The following C16orf46 variants were observed in gnomAD, a reference collection of about 807,000 sequenced individuals.
C16orf46 encodes the protein uncharacterized protein C16orf46.
In C16orf46, 7 loss-of-function variants were observed where a neutral mutation model predicts 5.5. The observed-to-expected ratio is 1.28, with a 90% CI of 0.73 to 2.40. The LOEUF (loss-of-function observed/expected upper bound fraction) is 2.40, where lower values mean the gene tolerates loss of function less well. Among genes scored for constraint, C16orf46 ranks in the 30% most tolerant of loss-of-function variants. The pLI, the probability that C16orf46 is intolerant of heterozygous loss-of-function variation, is 0.00. For synonymous variants in C16orf46, 200 were observed against 184.1 expected (o/e 1.09, Z -0.70); for missense variants, 614 against 476.0 (o/e 1.29, Z -2.70).
chr16:81,068,198 C>A (rs1971713230), intron 1 of C16orf46, among the ~76,000 whole-genome samples: 1 of 152,176 alleles, frequency 6.6e-6, no homozygotes, highest in Non-Finnish European at 1.5e-5. Flanking sequence ...AGCTTTAACA[C>A]CCTAACCAAT....
At chr16:81,072,361 A>C (rs1971885787) in intron 1 of C16orf46, 1 of 151,804 alleles carries the variant, frequency 6.6e-6, no homozygotes, top group African/African-American at 2.4e-5. Context: ...AAAAAAGAAA[A>C]AAGAAACTAG....
At chr16:81,065,721 G>T (rs1444301968) in intron 2 of C16orf46, among the ~76,000 whole-genome samples, 1 of 152,052 alleles carries the variant, frequency 6.6e-6, no homozygotes, top group South Asian at 2.1e-4. Context: ...CAGAAAACTA[G>T]TTTTTTTCAT....
chr16:81,068,418 G>A lies in C16orf46; in HGVS notation c.-127-2137C>T, dbSNP rs117811865. ...CTCCTATTTACAAATAAGTAACACT[G>A]CCCAAAGAAAAACCTATGTGGAAAG... is the stretch of plus-strand genomic sequence containing the variant. On this transcript the variant is annotated intron_variant, in intron 1 of 3. Coordinates refer to ENST00000299578, the MANE Select transcript of C16orf46 (RefSeq NM_152337.3). Among the ~76,000 whole-genome samples the A allele has an allele frequency of 3.9e-5, 6 of 152,150 alleles. No homozygotes were observed. In the East Asian group the frequency reaches 7.7e-4, roughly 20 times the overall value.
downstream of C16orf46, among the ~76,000 whole-genome samples, chr16:81,059,646 G>A (rs938481058): frequency 2.6e-5 from 4 of 152,266 alleles, no homozygotes; most frequent in South Asian, 6.2e-4. Flanking sequence ...TAAAATGAGG[G>A]TGGAGGAAGG....
chr16:81,071,384 A>G (rs528709631), intron 1 of C16orf46, among the ~76,000 whole-genome samples: 19 of 152,354 alleles, frequency 1.2e-4, no homozygotes, highest in African/African-American at 4.6e-4. Flanking sequence ...AGAAGTCACT[A>G]TATTGGAAAT....
Position 81,073,946 on chromosome 16 carries a change from A to G in C16orf46, c.-128+3190T>C, listed in dbSNP as rs370967769. On this transcript the variant is annotated intron_variant, in intron 1 of 3. Transcript: ENST00000299578. ...CTTAGGAGATCTTAAACAGAGAACAAAGCATCAACAGAAAACTAATACAAT... is the reference window on the plus strand; with the variant it reads ...CTTAGGAGATCTTAAACAGAGAACAGAGCATCAACAGAAAACTAATACAAT... 9.2e-5 allele frequency among the ~76,000 whole-genome samples: 14 copies of G among 152,374 alleles called. No homozygotes were observed. The East Asian group carries it at 1.3e-3, about 15-fold the overall frequency.
At chr16:81,068,133 G>GAGAAGTACA (rs1483923554) in intron 1 of C16orf46, among the ~76,000 whole-genome samples, 1 of 152,216 alleles carries the variant, frequency 6.6e-6, no homozygotes, top group African/African-American at 2.4e-5. Flanking sequence ...TTAATGAACT[G>GAGAAGTACA]AGAAGTACAA....
chr16:81,058,707 A>G (rs765770947), downstream of C16orf46, among the ~76,000 whole-genome samples: 1 of 152,234 alleles, frequency 6.6e-6, no homozygotes, highest in Non-Finnish European at 1.5e-5. Flanking sequence ...CACTCAATAC[A>G]TTCAGGAAAA....
chr16:81,062,870 A>G (rs1971533877), intron 3 of C16orf46, among the ~76,000 whole-genome samples: 1 of 118,064 alleles, frequency 8.5e-6, no homozygotes, highest in South Asian at 3.2e-4. Flanking sequence ...GTTTTCTCAT[A>G]GTTTTATGCT....
At chr16:81,060,818 C>G (rs536214349), downstream of C16orf46, 15 of 291,110 alleles carry the variant, frequency 5.2e-5, no homozygotes, top group East Asian at 1.4e-3. Context: ...GAAGGAGGCC[C>G]TTTGGATTCC....
chr16:81,065,086 A>G (rs554740800), intron 2 of C16orf46, among the ~76,000 whole-genome samples: 1 of 152,340 alleles, frequency 6.6e-6, no homozygotes, highest in South Asian at 2.1e-4. Context: ...AATCCTGATC[A>G]GAGCCAAAGA....
exon 4 of C16orf46, chr16:81,053,975 C>T (rs1012539574): frequency 7.6e-7 from 1 of 1,314,874 alleles, no homozygotes; most frequent in Non-Finnish European, 1.1e-6. Context: ...TTCTGGTGAT[C>T]CGCCGCTTTT....
At chr16:81,071,873 C>A (rs1046324191) in intron 1 of C16orf46, 1 of 152,240 alleles carries the variant, frequency 6.6e-6, no homozygotes, top group Non-Finnish European at 1.5e-5. Flanking sequence ...ACAGCTACTG[C>A]TGCCCAAAGA....
chr16:81,067,285 C>T (rs1971681645), intron 1 of C16orf46, among the ~76,000 whole-genome samples: 1 of 152,096 alleles, frequency 6.6e-6, no homozygotes, highest in African/African-American at 2.4e-5. Flanking sequence ...TGTTTTGCTT[C>T]AAAATAATGT....
intron 3 of C16orf46, among the ~76,000 whole-genome samples, chr16:81,054,597 T>C (rs1971242470): frequency 6.6e-6 from 1 of 151,822 alleles, no homozygotes; most frequent in African/African-American, 2.4e-5. Context: ...CATCTTGGCG[T>C]CCCAAAGTGC....
chr16:81,061,983 G>A lies in C16orf46; in HGVS notation c.366C>T (p.Gly122=), dbSNP rs1444331053. 6.2e-7 allele frequency: 1 copy of A among 1,613,952 alleles called. No individual in the cohort carries two copies. The highest frequency in any genetic ancestry group is 2.2e-5 in the East Asian group (1 of 44,898). The change falls in exon 4 of 4, where the codon GGC becomes GGT. Residue 122 remains glycine, a synonymous_variant. Transcript: ENST00000299578. The part of the protein sequence containing the change: ...SLQTKPPTEG[G]PEKDQSSPSQ... The stretch of plus-strand genomic sequence containing the variant: ...AGGGGCTGCTCTGATCCTTCTCTGG[G>A]CCCCCCTCAGTAGGAGGCTTGGTCT...
chr16:81,063,261 A>C (rs1332144836), intron 3 of C16orf46, among the ~76,000 whole-genome samples: 1 of 151,356 alleles, frequency 6.6e-6, no homozygotes, highest in African/African-American at 2.4e-5. Context: ...AAAAAAAAAA[A>C]AAAAAAACCC....
At chr16:81,055,526 C>G (rs1261377510) in intron 3 of C16orf46, 1 of 144,064 alleles carries the variant, frequency 6.9e-6, no homozygotes, top group African/African-American at 2.8e-5. Flanking sequence ...AAACCCGTCT[C>G]TTCAAAAAAA....
Position 81,061,158 on chromosome 16 carries a change from C to A in C16orf46, c.*3G>T. On this transcript the variant is annotated 3_prime_UTR_variant, in exon 4 of 4. Transcript: ENST00000299578. The stretch of plus-strand genomic sequence containing the variant: ...TTATTCCCAGGGGTTCTACCGCAAC[C>A]GCTCAGAGGATCCTGTGGGTAGAGA... 1 of 1,593,992 alleles carries A rather than the reference C, an allele frequency of 6.3e-7. No individual in the cohort carries two copies. The highest frequency in any genetic ancestry group is 8.6e-7 in the Non-Finnish European group (1 of 1,169,204).
Sources: allele counts gnomAD v4.1 joint callset (sites outside exome capture counted in the v4.1 genomes callset), GRCh38; gene constraint gnomAD v4.1.1; transcripts MANE v1.5; gene names NCBI Gene and HGNC (gene_info 2026-07-23, HGNC 2026-07-21).